TMEM74: variants seen among roughly 807,000 people sequenced by gnomAD.
TMEM74 encodes the protein transmembrane protein 74.
TMEM74 carries 13 observed loss-of-function variants against 18.1 expected under a neutral mutation model. The observed-to-expected ratio is 0.72, with a 90% confidence interval of 0.47 to 1.14. TMEM74 has a LOEUF of 1.14. Among genes scored for constraint, TMEM74 ranks in the 50% most tolerant of loss-of-function variants. The probability of loss-of-function intolerance (pLI) is 0.00; values close to 1 mark genes in which losing one functional copy is unlikely to be tolerated. For synonymous variants in TMEM74, 159 were observed against 146.6 expected (o/e 1.08, Z -0.61); for missense variants, 372 against 375.9 (o/e 0.99, Z 0.09).
chr8:108,701,197 TAA>T (rs34352264), intron 1 of TMEM74, among the ~76,000 whole-genome samples: 3,016 of 135,390 alleles, frequency 0.022, 57 homozygotes, highest in African/African-American at 0.049. Context: ...ATTCATGACT[TAA>T]AAAAAAAAAA....
Position 108,650,600 on chromosome 8 carries a change from C to T in TMEM74, n.264+4693G>A, listed in dbSNP as rs376909164. 3.1e-4 allele frequency among the ~76,000 whole-genome samples: 47 copies of T among 152,296 alleles called. 1 individual carries two copies. The highest frequency in any genetic ancestry group is 1.1e-3 in the African/African-American group (45 of 41,584). Reference sequence around the variant, plus strand: ...TTGGCCTTGGGCCTTTGAATTTGTTCTTCCCTTTGCCTGGAACAGTCTTCT... The same window carrying T: ...TTGGCCTTGGGCCTTTGAATTTGTTTTTCCCTTTGCCTGGAACAGTCTTCT... On this transcript the variant is annotated intron_variant and non_coding_transcript_variant, in intron 2 of 3. Transcript: ENST00000518838.
At chr8:108,678,084 A>G (rs1273121567) in intron 1 of TMEM74, among the ~76,000 whole-genome samples, 1 of 152,136 alleles carries the variant, frequency 6.6e-6, no homozygotes, top group East Asian at 1.9e-4. Context: ...ATGCTACTTA[A>G]CAGTGTTGTC....
At chr8:108,765,452 G>T (rs1814095251) in intron 1 of TMEM74, among the ~76,000 whole-genome samples, 1 of 136,920 alleles carries the variant, frequency 7.3e-6, no homozygotes, top group East Asian at 2.3e-4. Flanking sequence ...TGTTACCCAG[G>T]CTGGAGTACA....
chr8:108,671,150 A>G lies in TMEM74; in HGVS notation n.120-15713T>C, dbSNP rs139583945. Among the ~76,000 whole-genome samples the G allele has an allele frequency of 7.2e-3, 1,093 of 152,316 alleles. 6 individuals carry two copies. The highest frequency in any genetic ancestry group is 0.012 in the South Asian group (57 of 4,832). On this transcript the variant is annotated intron_variant and non_coding_transcript_variant, in intron 1 of 3. Coordinates refer to the TMEM74 transcript ENST00000518838. ...AAAATACATCACCTAAACTATAGGTAGGGACTGGTGATGGCCAGTGCTCAC... is the reference window on the plus strand; with the variant it reads ...AAAATACATCACCTAAACTATAGGTGGGGACTGGTGATGGCCAGTGCTCAC...
At chr8:108,776,388 G>A (rs535999312), downstream of TMEM74, among the ~76,000 whole-genome samples, 9 of 152,340 alleles carry the variant, frequency 5.9e-5, no homozygotes, top group Admixed American at 3.3e-4. Context: ...AGCTACTGGG[G>A]AGGCTGAGGC....
chr8:108,669,430 T>C (rs1425198084), intron 1 of TMEM74, among the ~76,000 whole-genome samples: 1 of 152,126 alleles, frequency 6.6e-6, no homozygotes, highest in Non-Finnish European at 1.5e-5. Context: ...GCTTTCACCT[T>C]CTATTCTGGG....
At chr8:108,618,824 G>A (rs1812411457) in intron 2 of TMEM74, among the ~76,000 whole-genome samples, 1 of 152,084 alleles carries the variant, frequency 6.6e-6, no homozygotes, top group Non-Finnish European at 1.5e-5. Flanking sequence ...GGCTTAATGG[G>A]ACAAAACAGA....
At chr8:108,665,579 A>G (rs1812941928) in intron 1 of TMEM74, among the ~76,000 whole-genome samples, 1 of 152,136 alleles carries the variant, frequency 6.6e-6, no homozygotes, top group Non-Finnish European at 1.5e-5. Context: ...ACTAACAAAA[A>G]TGGTAAAGAT....
At chr8:108,666,635 C>T (rs948623048) in intron 1 of TMEM74, among the ~76,000 whole-genome samples, 6 of 152,104 alleles carry the variant, frequency 3.9e-5, no homozygotes, top group Admixed American at 1.3e-4. Context: ...TACTCTTCAT[C>T]ATCTTAGTAT....
chr8:108,627,747 T>C (rs958197263), intron 2 of TMEM74, among the ~76,000 whole-genome samples: 3 of 151,970 alleles, frequency 2.0e-5, no homozygotes, highest in African/African-American at 4.8e-5. Flanking sequence ...ATGCTGATTA[T>C]TGGGGCTTAT....
At chr8:108,709,092 T>C (rs1431240253) in intron 1 of TMEM74, among the ~76,000 whole-genome samples, 1 of 152,082 alleles carries the variant, frequency 6.6e-6, no homozygotes, top group African/African-American at 2.4e-5. Context: ...ATGTAAAATT[T>C]TGCAGCAGCT....
chr8:108,636,992 T>C (rs1374274648), intron 2 of TMEM74, among the ~76,000 whole-genome samples: 1 of 152,072 alleles, frequency 6.6e-6, no homozygotes, highest in Admixed American at 6.6e-5. Context: ...CACTCCTTTC[T>C]CTCTTGGATA....
intron 1 of TMEM74, among the ~76,000 whole-genome samples, chr8:108,767,994 G>A (rs1814129293): frequency 6.6e-6 from 1 of 151,946 alleles, no homozygotes; most frequent in African/African-American, 2.4e-5. Context: ...AAATTCACTG[G>A]CCATTGGAAA....
intron 1 of TMEM74, among the ~76,000 whole-genome samples, chr8:108,737,265 G>A (rs1202880770): frequency 6.6e-6 from 1 of 152,088 alleles, no homozygotes; most frequent in Non-Finnish European, 1.5e-5. Context: ...GTACTGATGA[G>A]GACGTAATAT....
intron 2 of TMEM74, among the ~76,000 whole-genome samples, chr8:108,628,084 C>A (rs1812513961): frequency 1.3e-5 from 2 of 151,710 alleles, no homozygotes; most frequent in African/African-American, 4.8e-5. Flanking sequence ...ATAAAATAGT[C>A]AAAGCAACTT....
intron 1 of TMEM74, among the ~76,000 whole-genome samples, chr8:108,697,770 G>A (rs1239323582): frequency 5.3e-5 from 8 of 152,108 alleles, no homozygotes; most frequent in Admixed American, 3.9e-4. Flanking sequence ...CATAATGTTT[G>A]GGGATTTGTT....
intron 1 of TMEM74, among the ~76,000 whole-genome samples, chr8:108,674,415 A>C: frequency 6.6e-6 from 1 of 152,208 alleles, no homozygotes; most frequent in African/African-American, 2.4e-5. Flanking sequence ...GTTGTAATCC[A>C]TCAGCCATCA....
intron 1 of TMEM74, among the ~76,000 whole-genome samples, chr8:108,680,454 C>G (rs1030639104): frequency 1.3e-4 from 20 of 152,190 alleles, no homozygotes; most frequent in African/African-American, 4.8e-4. Context: ...AGGCCTTTGA[C>G]AAAATTCAAC....
chr8:108,639,064 G>T (rs1812634930), intron 2 of TMEM74, among the ~76,000 whole-genome samples: 1 of 152,066 alleles, frequency 6.6e-6, no homozygotes, highest in African/African-American at 2.4e-5. Flanking sequence ...CCCAAGCAAG[G>T]TCATCCTAAA....
Sources: allele counts gnomAD v4.1 joint callset (sites outside exome capture counted in the v4.1 genomes callset), GRCh38; gene constraint gnomAD v4.1.1; transcripts MANE v1.5; gene names NCBI Gene and HGNC (gene_info 2026-07-23, HGNC 2026-07-21).